Variants in SMPD3 observed in about 807,000 individuals in gnomAD.
SMPD3 encodes nSMase-2.
A neutral mutation model predicts 55.7 loss-of-function variants in SMPD3; 21 were observed. The ratio of observed to expected loss-of-function variants is 0.38; its 90% CI spans 0.27 to 0.54. The LOEUF (loss-of-function observed/expected upper bound fraction) is 0.54. SMPD3 is among the 20% of genes least tolerant of loss of function. SMPD3 has a pLI of 0.80. For synonymous variants in SMPD3, 457 were observed against 404.3 expected (o/e 1.13, Z -1.56); for missense variants, 842 against 899.6 (o/e 0.94, Z 0.82).
Position 68,363,778 on chromosome 16 carries a change from G to A in SMPD3, c.1644C>T (p.Ile548=), listed in dbSNP as rs979981983. ...LGPGEEKPWA[I]GTLLDTNGLY... ...CCTCCTCCCCCAGCCCCAGCTCACC[G>A]ATGGCCCACGGCTTCTCCTCACCAG... is the stretch of plus-strand genomic sequence containing the variant. The change falls in exon 6 of 9, where the codon ATC becomes ATT. Residue 548 remains isoleucine, a splice_region_variant and synonymous_variant. Coordinates refer to ENST00000219334, the MANE Select transcript of SMPD3 (RefSeq NM_018667.4). 9.6e-6 allele frequency: 15 copies of A among 1,562,092 alleles called. No homozygotes were observed. The highest frequency in any genetic ancestry group is 6.8e-5 in the African/African-American group (5 of 73,704).
At chr16:68,419,454 T>C (rs1460998860) in intron 1 of SMPD3, among the ~76,000 whole-genome samples, 3 of 152,210 alleles carry the variant, frequency 2.0e-5, no homozygotes, top group African/African-American at 7.2e-5. Context: ...AGGCAGCTCA[T>C]TGTATATCAC....
chr16:68,366,396 T>G (rs1412916298), intron 3 of SMPD3, among the ~76,000 whole-genome samples: 1 of 152,186 alleles, frequency 6.6e-6, no homozygotes, highest in Non-Finnish European at 1.5e-5. Context: ...CCCCAGCACC[T>G]GGGGGTACGA....
chr16:68,404,958 G>A lies in SMPD3; in HGVS notation c.-268-18299C>T, dbSNP rs2090241037. Among the ~76,000 whole-genome samples, 1 of 152,188 alleles carries A rather than the reference G, an allele frequency of 6.6e-6. No individual in the cohort carries two copies. The highest frequency in any genetic ancestry group is 6.5e-5 in the Admixed American group (1 of 15,278). On this transcript the variant is annotated intron_variant, in intron 1 of 8. Coordinates refer to ENST00000219334, the MANE Select transcript of SMPD3 (RefSeq NM_018667.4). The surrounding 1 kb of genome is among the most constrained non-coding windows in gnomAD (Gnocchi z 4.0). ...GGCCCTGTGGGCCAAGCGGATGTAG[G>A]ACCTGGCTCTTATCCGGGCATTTGG...
In SMPD3 at chr16:68,447,476, G is replaced by A. The variant is rs866376960; in HGVS notation, c.-269+877C>T. Among the ~76,000 whole-genome samples, 3 of 152,178 alleles carry A rather than the reference G, an allele frequency of 2.0e-5. No homozygotes were observed. Among genetic ancestry groups the A allele is most frequent in the Non-Finnish European group, 4.4e-5 (3 of 68,002 alleles). On this transcript the variant is annotated intron_variant, in intron 1 of 8. Transcript: ENST00000219334. The surrounding 1 kb of genome is among the most constrained non-coding windows in gnomAD (Gnocchi z 5.1). ...GAGCCCCAGGCCTGGATCCAGGTAG[G>A]GAGGGCCTGGGAGATAAGGCCCAGG...
chr16:68,373,182 G>A (rs867034791), intron 2 of SMPD3, among the ~76,000 whole-genome samples: 2 of 152,144 alleles, frequency 1.3e-5, no homozygotes, highest in Non-Finnish European at 2.9e-5. Flanking sequence ...AGCTTTAACC[G>A]CTGTCCCTCA....
At chr16:68,393,796 A>G (rs1286645896) in intron 1 of SMPD3, among the ~76,000 whole-genome samples, 1 of 152,050 alleles carries the variant, frequency 6.6e-6, no homozygotes, top group Non-Finnish European at 1.5e-5. Flanking sequence ...TTTGCTTTAA[A>G]AAAGTACAAT....
At chr16:68,378,567 AC>A (rs993833640) in intron 2 of SMPD3, among the ~76,000 whole-genome samples, 44 of 147,132 alleles carry the variant, frequency 3.0e-4, no homozygotes, top group African/African-American at 8.7e-4. Context: ...TGACCTGCAC[AC>A]CCCCCCACCC....
At chr16:68,414,588 C>A (rs1474477313) in intron 1 of SMPD3, among the ~76,000 whole-genome samples, 1 of 152,242 alleles carries the variant, frequency 6.6e-6, no homozygotes, top group Admixed American at 6.5e-5. Context: ...AGGAGCCAGT[C>A]TTCATGTCCT....
chr16:68,363,264 C>A (rs1267532780), intron 7 of SMPD3, among the ~76,000 whole-genome samples: 1 of 152,130 alleles, frequency 6.6e-6, no homozygotes. Flanking sequence ...TTGGGAAATA[C>A]CCCTAGAGAT....
chr16:68,407,295 T>C (rs2090262258), intron 1 of SMPD3, among the ~76,000 whole-genome samples: 1 of 152,216 alleles, frequency 6.6e-6, no homozygotes, highest in Non-Finnish European at 1.5e-5. Flanking sequence ...GACAGCATCA[T>C]GGAAGGGCAG....
In SMPD3 at chr16:68,448,463, C is replaced by T. The variant is rs1348960815; in HGVS notation, c.-379G>A. On this transcript the variant is annotated 5_prime_UTR_variant, in exon 1 of 9. Transcript: ENST00000219334. ...GATCTGGCGGCGGCCGCAGCGGCGGCGGCTCTCGCGGCTCTCGGGTCCGGA... is the reference window on the plus strand; with the variant it reads ...GATCTGGCGGCGGCCGCAGCGGCGGTGGCTCTCGCGGCTCTCGGGTCCGGA... 1 of 152,296 alleles carries T rather than the reference C, an allele frequency of 6.6e-6. No individual in the cohort carries two copies. Among genetic ancestry groups the T allele is most frequent in the African/African-American group, 2.4e-5 (1 of 41,448 alleles). 9.4% of individuals were successfully genotyped at this position (152,296 alleles called of 1,614,324 possible). A position where few individuals can be genotyped will look rare whatever the true frequency, so the allele number is the denominator to read the frequency against.
At chr16:68,402,548 G>C (rs1305180236) in intron 1 of SMPD3, among the ~76,000 whole-genome samples, 2 of 152,112 alleles carry the variant, frequency 1.3e-5, no homozygotes, top group Non-Finnish European at 2.9e-5. Flanking sequence ...TTGTTATATA[G>C]CATGGTAGGC....
chr16:68,402,755 G>A (rs2090221956), intron 1 of SMPD3, among the ~76,000 whole-genome samples: 1 of 152,222 alleles, frequency 6.6e-6, no homozygotes, highest in South Asian at 2.1e-4. Flanking sequence ...AAGGTTCAAG[G>A]TGACGGCAGG....
rs2089246914 is a variant in SMPD3, at chr16:68,361,270, C to A, written c.1904G>T (p.Gly635Val). 2 of 1,612,036 alleles carry A rather than the reference C, an allele frequency of 1.2e-6. No homozygotes were observed. The highest frequency in any genetic ancestry group is 2.7e-5 in the African/African-American group (2 of 74,858). ...GGCTACTGGCAGGTGGTCCGTCAGG[C>A]CGGACAGCTGGGTGATAAAACTGAA... ...EEFSFITQLS[G>V]LTDHLPVAMR... The change falls in exon 9 of 9, where the codon GGC becomes GTC. Residue 635 changes from glycine (G) to valine (V), a missense_variant. Around this residue, in one of 2 missense-constraint regions of SMPD3, gnomAD observed 649 missense variants for 643.6 expected, o/e 1.01. Transcript: ENST00000219334.
intron 1 of SMPD3, among the ~76,000 whole-genome samples, chr16:68,394,931 A>G (rs778499724): frequency 5.5e-4 from 83 of 152,152 alleles, no homozygotes; most frequent in South Asian, 4.1e-4. Flanking sequence ...GGCTTGTCCT[A>G]TTGATTTTTG....
intron 1 of SMPD3, among the ~76,000 whole-genome samples, chr16:68,393,921 T>G (rs1241426571): frequency 6.6e-6 from 1 of 152,222 alleles, no homozygotes; most frequent in Non-Finnish European, 1.5e-5. Context: ...CAGTCAGAAT[T>G]GCACAGTTTT....
rs542420508 is a variant in SMPD3, at chr16:68,404,205, A to G, written c.-268-17546T>C. 1.6e-4 allele frequency among the ~76,000 whole-genome samples: 22 copies of G among 135,962 alleles called. No individual in the cohort carries two copies. Among genetic ancestry groups the G allele is most frequent in the African/African-American group, 5.8e-4 (21 of 36,102 alleles). 89.2% of individuals were successfully genotyped at this position (135,962 alleles called of 152,430 possible). On this transcript the variant is annotated intron_variant, in intron 1 of 8. Coordinates refer to ENST00000219334, the MANE Select transcript of SMPD3 (RefSeq NM_018667.4). This position sits in a 1 kb window ranked among gnomAD's most constrained non-coding sequence, Gnocchi z 4.0. ...CTAATTTTTTTTTTTTTTTTTTGAG[A>G]TGGAGTTTCGCTCTTGTTGCCCAGG...
intron 1 of SMPD3, among the ~76,000 whole-genome samples, chr16:68,401,669 G>A (rs2090207229): frequency 6.6e-6 from 1 of 152,142 alleles, no homozygotes; most frequent in Non-Finnish European, 1.5e-5. Context: ...TCTTCTTATT[G>A]CAAGGGGAAG....
Position 68,359,240 on chromosome 16 carries a change from G to A in SMPD3, c.*1966C>T, listed in dbSNP as rs2089080477. On this transcript the variant is annotated 3_prime_UTR_variant, in exon 9 of 9. Transcript: ENST00000219334. ...GGCCGGCCGGCCCAGTCGCTTGTGT[G>A]AGCAGAGTACCAGCTGCTTCTGGAA... The A allele has an allele frequency of 1.3e-5, 2 of 152,536 alleles. No individual in the cohort carries two copies. Among genetic ancestry groups the A allele is most frequent in the Non-Finnish European group, 1.5e-5 (1 of 68,256 alleles). 9.4% of individuals were successfully genotyped at this position (152,536 alleles called of 1,614,324 possible). A position where few individuals can be genotyped will look rare whatever the true frequency, so the allele number is the denominator to read the frequency against.
Sources: allele counts gnomAD v4.1 joint callset (sites outside exome capture counted in the v4.1 genomes callset), GRCh38; gene constraint gnomAD v4.1.1; regional missense constraint gnomAD v4.1.1; non-coding constraint Gnocchi (gnomAD v3.1); transcripts MANE v1.5; gene names NCBI Gene and HGNC (gene_info 2026-07-23, HGNC 2026-07-21).